UBE2W: variants seen among roughly 807,000 people sequenced by gnomAD.
UBE2W encodes the protein ubiquitin conjugating enzyme E2 W.
In UBE2W, 18 loss-of-function variants were observed where a neutral mutation model predicts 27.2. The observed-to-expected ratio is 0.66, with a 90% CI of 0.46 to 0.98. The LOEUF is 0.98. Ranked by LOEUF, UBE2W falls within the 50% of genes least tolerant of loss-of-function variation. The probability of loss-of-function intolerance (pLI) is 0.00; values close to 1 mark genes in which losing one functional copy is unlikely to be tolerated. For missense variants in UBE2W, 90 were observed against 180.2 expected (o/e 0.50, Z 2.87); for synonymous variants, 53 against 57.2 (o/e 0.93, Z 0.33).
intron 1 of UBE2W, among the ~76,000 whole-genome samples, chr8:73,852,516 G>A (rs930149750): frequency 2.8e-5 from 4 of 143,118 alleles, no homozygotes; most frequent in African/African-American, 1.2e-4. Flanking sequence ...ATGAAAAGCA[G>A]TAATTAGCAC....
At chr8:73,868,290 G>C (rs915341820) in intron 1 of UBE2W, among the ~76,000 whole-genome samples, 1 of 152,146 alleles carries the variant, frequency 6.6e-6, no homozygotes, top group African/African-American at 2.4e-5. Context: ...GTAAAAACCC[G>C]AAAGGAGAGT....
downstream of UBE2W, among the ~76,000 whole-genome samples, chr8:73,784,561 A>C (rs992049541): frequency 6.6e-6 from 1 of 152,208 alleles, no homozygotes; most frequent in Non-Finnish European, 1.5e-5. Flanking sequence ...GGAAGAAAGT[A>C]TCTTCCTCCA....
At chr8:73,820,752 AAAACAAACAAACAAAC>A (rs149777875) in intron 3 of UBE2W, among the ~76,000 whole-genome samples, 45 of 148,838 alleles carry the variant, frequency 3.0e-4, no homozygotes, top group Non-Finnish European at 5.2e-4. Context: ...AAAAAAATAA[AAAACAAACAAACAAAC>A]AAACAAACAA....
At chr8:73,845,884 C>T (rs1163268038) in intron 1 of UBE2W, among the ~76,000 whole-genome samples, 1 of 151,870 alleles carries the variant, frequency 6.6e-6, no homozygotes, top group Non-Finnish European at 1.5e-5. Context: ...CTATACCAAG[C>T]AAAACTAAGT....
intron 1 of UBE2W, among the ~76,000 whole-genome samples, chr8:73,878,296 C>A (rs1046500657): frequency 6.6e-6 from 1 of 152,216 alleles, no homozygotes; most frequent in Non-Finnish European, 1.5e-5. Context: ...GGGGGCCCGG[C>A]GTGGGAGGCC....
chr8:73,807,983 A>G (rs1808989456), intron 4 of UBE2W, among the ~76,000 whole-genome samples: 1 of 152,224 alleles, frequency 6.6e-6, no homozygotes, highest in Non-Finnish European at 1.5e-5. Context: ...TGATCTCAAT[A>G]TCAGAAATTA....
intron 1 of UBE2W, among the ~76,000 whole-genome samples, chr8:73,832,813 C>T (rs1394601073): frequency 6.6e-6 from 1 of 152,184 alleles, no homozygotes; most frequent in Admixed American, 6.5e-5. Flanking sequence ...TGGGGATGCT[C>T]AACCTGCGTA....
In UBE2W at chr8:73,786,275, A is replaced by T; in HGVS notation, c.*7827T>A. On this transcript the variant is annotated 3_prime_UTR_variant, in exon 6 of 6. Coordinates refer to ENST00000602593, the MANE Select transcript of UBE2W (RefSeq NM_018299.6). ...GTTTTCTCAAACTCTCTGGGATAGAAAGAGCAGGGTCCTGTTATACATTTT... is the reference window on the plus strand; with the variant it reads ...GTTTTCTCAAACTCTCTGGGATAGATAGAGCAGGGTCCTGTTATACATTTT... 1 of 985,472 alleles carries T rather than the reference A, an allele frequency of 1.0e-6. No homozygotes were observed. Among genetic ancestry groups the T allele is most frequent in the Non-Finnish European group, 1.2e-6 (1 of 829,932 alleles). 61.0% of individuals were successfully genotyped at this position (985,472 alleles called of 1,614,324 possible). A position where few individuals can be genotyped will look rare whatever the true frequency, so the allele number is the denominator to read the frequency against.
At chr8:73,809,742 G>C (rs932355454) in intron 4 of UBE2W, among the ~76,000 whole-genome samples, 1 of 151,962 alleles carries the variant, frequency 6.6e-6, no homozygotes, top group Non-Finnish European at 1.5e-5. Context: ...ATCACACCCA[G>C]TTAATTTTTG....
intron 1 of UBE2W, among the ~76,000 whole-genome samples, chr8:73,848,903 A>G (rs1342629056): frequency 1.3e-5 from 2 of 152,212 alleles, no homozygotes; most frequent in Non-Finnish European, 2.9e-5. Flanking sequence ...CAGTAAAAAC[A>G]TGTATCAAAC....
chr8:73,828,684 G>A (rs1178349494), intron 2 of UBE2W, among the ~76,000 whole-genome samples: 3 of 152,092 alleles, frequency 2.0e-5, no homozygotes, highest in Admixed American at 6.6e-5. Flanking sequence ...GGGCACATGA[G>A]ATATTTTGAT....
chr8:73,791,675 G>A lies in UBE2W; in HGVS notation c.*2427C>T. 1 of 985,112 alleles carries A rather than the reference G, an allele frequency of 1.0e-6. No individual in the cohort carries two copies. Among genetic ancestry groups the A allele is most frequent in the Non-Finnish European group, 1.2e-6 (1 of 829,678 alleles). 61.0% of individuals were successfully genotyped at this position (985,112 alleles called of 1,614,324 possible). On this transcript the variant is annotated 3_prime_UTR_variant, in exon 6 of 6. Transcript: ENST00000602593. ...ACATATAAATTAAATCTAAGTGCAAGGAGTTTTCAATGATTCCTAAATTCA... is the reference window on the plus strand; with the variant it reads ...ACATATAAATTAAATCTAAGTGCAAAGAGTTTTCAATGATTCCTAAATTCA...
chr8:73,857,773 G>A (rs770573496), intron 1 of UBE2W, among the ~76,000 whole-genome samples: 13 of 151,980 alleles, frequency 8.6e-5, no homozygotes, highest in South Asian at 2.1e-4. Context: ...CCGAAATCGC[G>A]CCACTGCACT....
intron 1 of UBE2W, among the ~76,000 whole-genome samples, chr8:73,861,303 A>G (rs1027773748): frequency 1.3e-5 from 2 of 152,188 alleles, no homozygotes; most frequent in African/African-American, 2.4e-5. Flanking sequence ...AATTTTAGTG[A>G]ACTGATAAGT....
intron 1 of UBE2W, among the ~76,000 whole-genome samples, chr8:73,874,787 G>C (rs981139497): frequency 4.6e-5 from 7 of 152,170 alleles, no homozygotes. Flanking sequence ...CTTAAGACTG[G>C]GCACATAGGC....
intron 1 of UBE2W, among the ~76,000 whole-genome samples, chr8:73,849,507 C>A (rs1404271280): frequency 4.3e-5 from 2 of 46,322 alleles, no homozygotes; most frequent in Admixed American, 4.2e-4. Context: ...AGTGAAACTC[C>A]ATCTCAAAAA....
chr8:73,832,904 G>A (rs1391362333), intron 1 of UBE2W, among the ~76,000 whole-genome samples: 1 of 152,110 alleles, frequency 6.6e-6, no homozygotes, highest in Non-Finnish European at 1.5e-5. Flanking sequence ...AAAACCCATA[G>A]TTCGGCTGGG....
chr8:73,833,184 CA>C (rs1202478660), intron 1 of UBE2W, among the ~76,000 whole-genome samples: 542 of 31,378 alleles, frequency 0.017, no homozygotes, highest in African/African-American at 0.032. Flanking sequence ...GACTCCACCT[CA>C]AAAAAAAAAA....
intron 1 of UBE2W, among the ~76,000 whole-genome samples, chr8:73,878,222 G>A (rs912621277): frequency 2.6e-5 from 4 of 152,240 alleles, no homozygotes; most frequent in African/African-American, 9.6e-5. Flanking sequence ...GGAAATAGAA[G>A]ATACCCACGG....
Sources: allele counts gnomAD v4.1 joint callset (sites outside exome capture counted in the v4.1 genomes callset), GRCh38; gene constraint gnomAD v4.1.1; transcripts MANE v1.5; gene names NCBI Gene and HGNC (gene_info 2026-07-23, HGNC 2026-07-21).